The following SPAG16 variants were observed in gnomAD, a reference collection of about 807,000 sequenced individuals.
The protein encoded by SPAG16 is sperm associated antigen 16.
A neutral mutation model predicts 80.4 loss-of-function variants in SPAG16; 86 were observed. That is an observed-to-expected ratio of 1.07 (90% CI 0.90 to 1.28). SPAG16 has a LOEUF of 1.28. Ranked by LOEUF, SPAG16 falls within the 50% of genes most tolerant of loss-of-function variation. SPAG16 has a pLI of 0.00. For synonymous variants in SPAG16, 294 were observed against 265.9 expected (o/e 1.11, Z -1.03); for missense variants, 870 against 765.3 (o/e 1.14, Z -1.61).
At chr2:213,391,361 A>G (rs2067742275) in intron 9 of SPAG16, among the ~76,000 whole-genome samples, 1 of 152,228 alleles carries the variant, frequency 6.6e-6, no homozygotes, top group Non-Finnish European at 1.5e-5. Flanking sequence ...AACTATCATA[A>G]TCAATTTTTT....
chr2:214,347,775 C>T (rs1490485580), intron 15 of SPAG16, among the ~76,000 whole-genome samples: 1 of 152,018 alleles, frequency 6.6e-6, no homozygotes, highest in Non-Finnish European at 1.5e-5. Flanking sequence ...TCAGCTTGGA[C>T]TAGAGGGGAT....
At chr2:214,137,114 G>A (rs1385320822) in intron 14 of SPAG16, among the ~76,000 whole-genome samples, 1 of 152,062 alleles carries the variant, frequency 6.6e-6, no homozygotes, top group Non-Finnish European at 1.5e-5. Flanking sequence ...AAAAATTAAT[G>A]TATGATAATT....
At chr2:214,270,943 T>C (rs1691946460) in intron 15 of SPAG16, among the ~76,000 whole-genome samples, 1 of 152,144 alleles carries the variant, frequency 6.6e-6, no homozygotes, top group Non-Finnish European at 1.5e-5. Context: ...AGTAACCTTT[T>C]TCTACCTTTT....
In SPAG16 at chr2:213,335,333, T is replaced by G. The variant is rs187635893; in HGVS notation, c.537-4830T>G. Among the ~76,000 whole-genome samples, 15 of 152,338 alleles carry G rather than the reference T, an allele frequency of 9.8e-5. No individual in the cohort carries two copies. In the East Asian group the frequency reaches 2.9e-3, roughly 29 times the overall value. Reference sequence around the variant, plus strand: ...ATTCCTATTTTAAATACAGGCTTTATTGTTGTTGAAATGCAAAACTGTCCT... The same window carrying G: ...ATTCCTATTTTAAATACAGGCTTTAGTGTTGTTGAAATGCAAAACTGTCCT... On this transcript the variant is annotated intron_variant, in intron 5 of 15. Transcript: ENST00000331683.
At chr2:213,566,900 C>T (rs1379224324) in intron 10 of SPAG16, among the ~76,000 whole-genome samples, 1 of 152,178 alleles carries the variant, frequency 6.6e-6, no homozygotes, top group African/African-American at 2.4e-5. Context: ...ATAAGAATCA[C>T]TTTTTAAATT....
intron 10 of SPAG16, among the ~76,000 whole-genome samples, chr2:213,504,334 A>G (rs1355053330): frequency 6.6e-6 from 1 of 152,224 alleles, no homozygotes; most frequent in Non-Finnish European, 1.5e-5. Context: ...GTCCCTGGTT[A>G]TGGTAATAAA....
At chr2:213,661,176 T>G (rs890787700) in intron 10 of SPAG16, among the ~76,000 whole-genome samples, 1 of 152,222 alleles carries the variant, frequency 6.6e-6, no homozygotes, top group African/African-American at 2.4e-5. Flanking sequence ...AATATATGTT[T>G]GGTGTGCATA....
At chr2:213,972,653 A>G (rs996537124) in intron 12 of SPAG16, among the ~76,000 whole-genome samples, 1 of 152,182 alleles carries the variant, frequency 6.6e-6, no homozygotes, top group Non-Finnish European at 1.5e-5. Context: ...CCCAGAAATA[A>G]CGTTTTGTCA....
chr2:213,686,295 T>C (rs1360414316), intron 10 of SPAG16, among the ~76,000 whole-genome samples: 1 of 152,160 alleles, frequency 6.6e-6, no homozygotes, highest in Non-Finnish European at 1.5e-5. Flanking sequence ...ATTTTTGTAT[T>C]TTTAGTAGAG....
rs1042831540 is a variant in SPAG16 at position 213,406,371 on chromosome 2, AAAC to A, written c.942+31255_942+31257del. On this transcript the variant is annotated intron_variant, in intron 9 of 15. Coordinates refer to ENST00000331683, the MANE Select transcript of SPAG16 (RefSeq NM_024532.5). ...CCAGATCAAATGGATTTCATAATCA[AAAC>A]AAAAATTATTTCACTTGATTCTAAA... 1.7e-3 allele frequency among the ~76,000 whole-genome samples: 253 copies of A among 152,340 alleles called. 2 individuals carry two copies. The highest frequency in any genetic ancestry group is 2.1e-4 in the Non-Finnish European group (14 of 68,022).
chr2:213,434,162 C>T (rs1384690873), intron 9 of SPAG16, among the ~76,000 whole-genome samples: 1 of 152,008 alleles, frequency 6.6e-6, no homozygotes, highest in Non-Finnish European at 1.5e-5. Context: ...TCAGGTGATC[C>T]ACCTGCCTCG....
chr2:213,572,341 G>C (rs1423395111), intron 10 of SPAG16, among the ~76,000 whole-genome samples: 1 of 100,718 alleles, frequency 9.9e-6, no homozygotes, highest in African/African-American at 4.1e-5. Flanking sequence ...CAGTTTTTCT[G>C]TTCTGTTTTT....
At chr2:213,669,057 T>C (rs1489946251) in intron 10 of SPAG16, among the ~76,000 whole-genome samples, 4 of 152,260 alleles carry the variant, frequency 2.6e-5, no homozygotes, top group Non-Finnish European at 4.4e-5. Context: ...AAAATACTTA[T>C]GATTTTCGTA....
chr2:214,226,089 C>T (rs1178092205), intron 15 of SPAG16, among the ~76,000 whole-genome samples: 1 of 152,092 alleles, frequency 6.6e-6, no homozygotes, highest in East Asian at 1.9e-4. Flanking sequence ...TACTGCATAA[C>T]ATACTACTTC....
intron 10 of SPAG16, among the ~76,000 whole-genome samples, chr2:213,814,450 T>G (rs1314799240): frequency 1.3e-5 from 2 of 152,192 alleles, no homozygotes; most frequent in East Asian, 3.9e-4. Flanking sequence ...ACATGTAAAA[T>G]TAACCATCAC....
At chr2:213,483,332 G>T (rs900372058) in intron 9 of SPAG16, among the ~76,000 whole-genome samples, 10 of 152,104 alleles carry the variant, frequency 6.6e-5, no homozygotes, top group African/African-American at 2.4e-4. Flanking sequence ...CTTAATTATG[G>T]AAGGTGTTTG....
chr2:213,832,675 TC>T (rs2073738836), intron 10 of SPAG16, among the ~76,000 whole-genome samples: 2 of 152,198 alleles, frequency 1.3e-5, no homozygotes, highest in South Asian at 4.2e-4. Flanking sequence ...TGCTAGGTTT[TC>T]CCCTCAGTCT....
intron 13 of SPAG16, among the ~76,000 whole-genome samples, chr2:214,014,456 G>C (rs1413245314): frequency 6.6e-6 from 1 of 152,188 alleles, no homozygotes; most frequent in Non-Finnish European, 1.5e-5. Context: ...TAATAAAATG[G>C]AAGACTATCT....
intron 7 of SPAG16, among the ~76,000 whole-genome samples, chr2:213,352,223 G>GTATT (rs2065373648): frequency 6.6e-6 from 1 of 151,168 alleles, no homozygotes; most frequent in African/African-American, 2.4e-5. Flanking sequence ...CCAGTCTCGG[G>GTATT]TATTTCCTCA....
Sources: allele counts gnomAD v4.1 joint callset (sites outside exome capture counted in the v4.1 genomes callset), GRCh38; gene constraint gnomAD v4.1.1; transcripts MANE v1.5; gene names NCBI Gene and HGNC (gene_info 2026-07-23, HGNC 2026-07-21).